The following TUBD1 variants were observed in gnomAD, a reference collection of about 807,000 sequenced individuals.
The protein encoded by TUBD1 is tubulin delta 1, also known as tubulin delta chain.
In TUBD1, 38 loss-of-function variants were observed where a neutral mutation model predicts 51.2. The observed-to-expected ratio is 0.74, with a 90% CI of 0.57 to 0.97. The LOEUF is 0.97. Among genes scored for constraint, TUBD1 ranks in the 50% least tolerant of loss-of-function variants. The pLI is 0.00. For missense variants in TUBD1, 489 were observed against 538.4 expected (o/e 0.91, Z 0.91); for synonymous variants, 169 against 178.2 (o/e 0.95, Z 0.41).
intron 2 of TUBD1, among the ~76,000 whole-genome samples, chr17:59,889,533 G>A (rs954285927): frequency 6.6e-6 from 1 of 150,842 alleles, no homozygotes; most frequent in Non-Finnish European, 1.5e-5. Flanking sequence ...GTTGGGCGTG[G>A]TGGCGCATGC....
chr17:59,891,813 C>T (rs2041071798), intron 1 of TUBD1: 1 of 151,640 alleles, frequency 6.6e-6, no homozygotes, highest in African/African-American at 2.4e-5. Flanking sequence ...AAAAATACAA[C>T]CATTAGCTTG....
intron 3 of TUBD1, chr17:59,885,399 C>T (rs1434858253): frequency 1.9e-6 from 2 of 1,041,228 alleles, no homozygotes; most frequent in East Asian, 2.4e-5. Context: ...AGCTGTTCGG[C>T]TTCATGGCTC....
intron 1 of TUBD1, chr17:59,892,029 G>T (rs1192528467): frequency 2.6e-5 from 4 of 151,936 alleles, no homozygotes; most frequent in African/African-American, 9.7e-5. Flanking sequence ...GCTGATTGAA[G>T]AAATTAGTAG....
At chr17:59,892,505 G>A (rs1268513409) in intron 1 of TUBD1, among the ~76,000 whole-genome samples, 192 bp downstream of exon 1, 1 of 152,220 alleles carries the variant, frequency 6.6e-6, no homozygotes, top group Non-Finnish European at 1.5e-5. Context: ...CGTGGGTTGT[G>A]AGACAGACTC....
At chr17:59,886,009 A>G in intron 3 of TUBD1, 74 bp downstream of exon 3, 2 of 1,490,992 alleles carry the variant, frequency 1.3e-6, no homozygotes, top group Non-Finnish European at 1.8e-6. Flanking sequence ...TCAACTATAC[A>G]GTTCTAACTT....
intron 6 of TUBD1, among the ~76,000 whole-genome samples, chr17:59,869,702 T>TTATC (rs2039891601): frequency 6.6e-6 from 1 of 152,120 alleles, no homozygotes; most frequent in South Asian, 2.1e-4. Flanking sequence ...AACTTTCTAC[T>TTATC]TATCTCCAAA....
intron 5 of TUBD1, among the ~76,000 whole-genome samples, chr17:59,875,684 C>T (rs1015040985): frequency 1.3e-5 from 2 of 151,008 alleles, no homozygotes; most frequent in Admixed American, 6.6e-5. Flanking sequence ...CGCTTGAACC[C>T]GGCAGACAGA....
chr17:59,873,985 T>C (rs1388697443), intron 6 of TUBD1, among the ~76,000 whole-genome samples: 2 of 151,960 alleles, frequency 1.3e-5, no homozygotes, highest in Admixed American at 6.6e-5. Context: ...GTCAGGAGAT[T>C]GAGACCATCC....
chr17:59,879,002 C>T (rs1484909804), intron 4 of TUBD1, among the ~76,000 whole-genome samples: 3 of 152,004 alleles, frequency 2.0e-5, no homozygotes, highest in Non-Finnish European at 1.5e-5. Flanking sequence ...AAGCTGGGAG[C>T]GGTAGCTCAT....
Position 59,880,999 on chromosome 17 carries a change from C to T in TUBD1, c.432G>A (p.Gly144=), listed in dbSNP as rs748857715. The T allele has an allele frequency of 6.2e-7, 1 of 1,614,070 alleles. No homozygotes were observed. Among genetic ancestry groups the T allele is most frequent in the Non-Finnish European group, 8.5e-7 (1 of 1,180,004 alleles). Residue 144 remains glycine (G), a synonymous_variant, in exon 4 of 9, where the codon GGG becomes GGA. Transcript: ENST00000325752. ...AAGCTCCTAATCCTGATCCTGTGCC[C>T]CCAGCCATACTCATTATGATGAAAA... ...SGFFIIMSMA[G]GTGSGLGAFV... is the part of the protein sequence containing the mutation.
intron 5 of TUBD1, 26 bp downstream of exon 5, chr17:59,878,077 T>C: frequency 6.4e-7 from 1 of 1,568,828 alleles, no homozygotes; most frequent in Non-Finnish European, 8.8e-7. Context: ...GGCTTTCCTA[T>C]AATTAACGTA....
In TUBD1 at chr17:59,880,935, A is replaced by G. The variant is rs377378535; in HGVS notation, c.496T>C (p.Leu166=). 1.3e-5 allele frequency: 21 copies of G among 1,614,062 alleles called. No homozygotes were observed. Among genetic ancestry groups the G allele is most frequent in the African/African-American group, 5.3e-5 (4 of 74,922 alleles). ...QNLEDQYSNS[L]KMNQIIWPYG... ...GGCCAAATAATCTGATTCATTTTCA[A>G]TGAGTTTGAGTACTGATCTTCTAAA... The change falls in exon 4 of 9, where the codon TTG becomes CTG. Residue 166 remains leucine, a synonymous_variant. Coordinates refer to ENST00000325752, the MANE Select transcript of TUBD1 (RefSeq NM_016261.4).
intron 7 of TUBD1, 138 bp downstream of exon 7, chr17:59,866,471 T>C (rs747420762): frequency 5.1e-6 from 5 of 982,694 alleles, no homozygotes; most frequent in Non-Finnish European, 7.4e-6. Flanking sequence ...ACTGATGCCA[T>C]GGTCAAATTT....
intron 2 of TUBD1, among the ~76,000 whole-genome samples, chr17:59,889,377 GAA>G (rs1401726194): frequency 1.3e-5 from 2 of 150,164 alleles, no homozygotes; most frequent in African/African-American, 4.9e-5. Context: ...ATTAAGAAAA[GAA>G]AGAGAGGCTG....
Position 59,866,529 on chromosome 17 carries a change from G to A in TUBD1, c.1075+80C>T, listed in dbSNP as rs182112347. ...TACTTTCCTTTCTCCAAGAACACAG[G>A]GACTTTTTAAAAACCATTTGTACCA... On this transcript the variant is annotated intron_variant, in intron 7 of 8. Coordinates refer to ENST00000325752, the MANE Select transcript of TUBD1 (RefSeq NM_016261.4). The A allele has an allele frequency of 6.0e-4, 926 of 1,532,222 alleles. 2 individuals are homozygous for A. The highest frequency in any genetic ancestry group is 5.8e-3 in the Middle Eastern group (33 of 5,672). 94.9% of individuals were successfully genotyped at this position (1,532,222 alleles called of 1,614,324 possible).
chr17:59,890,751 T>A, intron 2 of TUBD1, 80 bp downstream of exon 2: 1 of 1,222,720 alleles, frequency 8.2e-7, no homozygotes. Context: ...AGGAATGGGG[T>A]TTAAAAACCA....
intron 4 of TUBD1, 61 bp downstream of exon 4, chr17:59,880,833 C>A (rs1350890968): frequency 6.7e-6 from 10 of 1,496,890 alleles, no homozygotes; most frequent in Non-Finnish European, 9.3e-6. Context: ...AATCTTTTAC[C>A]CATATTTATT....
chr17:59,889,939 C>T (rs2040917682), intron 2 of TUBD1, among the ~76,000 whole-genome samples: 1 of 143,346 alleles, frequency 7.0e-6, no homozygotes, highest in Non-Finnish European at 1.5e-5. Context: ...CACTGCACTT[C>T]AGCCCGGGTG....
At chr17:59,868,108 CAAAAAAA>C (rs35401242) in intron 6 of TUBD1, among the ~76,000 whole-genome samples, 132 of 26,798 alleles carry the variant, frequency 4.9e-3, no homozygotes, top group Non-Finnish European at 7.5e-3. Context: ...ACTAAAAATA[CAAAAAAA>C]AAAAAAAAAA....
Sources: allele counts gnomAD v4.1 joint callset (sites outside exome capture counted in the v4.1 genomes callset), GRCh38; gene constraint gnomAD v4.1.1; transcripts MANE v1.5; gene names NCBI Gene and HGNC (gene_info 2026-07-23, HGNC 2026-07-21).